TRPC5: variants seen among roughly 807,000 people sequenced by gnomAD.
TRPC5 encodes short transient receptor potential channel 5.
In TRPC5, 9 loss-of-function variants were observed where a neutral mutation model predicts 56.5. The ratio of observed to expected loss-of-function variants is 0.16; its 90% CI spans 0.10 to 0.28. The LOEUF (loss-of-function observed/expected upper bound fraction) is 0.28. Among genes scored for constraint, TRPC5 ranks in the 10% least tolerant of loss-of-function variants. The pLI is 1.00. For synonymous variants in TRPC5, 282 were observed against 278.5 expected, an observed-to-expected ratio of 1.01 and a Z score of -0.13; for missense variants, 469 against 748.9, an observed-to-expected ratio of 0.63 and a Z score of 4.36.
intron 2 of TRPC5, among the ~76,000 whole-genome samples, chrX:111,935,899 T>C (rs1348944517): frequency 8.9e-6 from 1 of 112,121 alleles, no homozygotes; most frequent in Non-Finnish European, 1.9e-5. Context: ...AGTCAGGTAA[T>C]GTGATTCCTC....
At chrX:112,036,624 T>C (rs1929748855) in intron 1 of TRPC5, among the ~76,000 whole-genome samples, 1 of 112,255 alleles carries the variant, frequency 8.9e-6, no homozygotes, top group African/African-American at 3.2e-5. Flanking sequence ...ACCTGGTTTC[T>C]GTACATCTTT....
chrX:111,908,562 T>C lies in TRPC5; in HGVS notation c.900+3729A>G, dbSNP rs146513678. Among the ~76,000 whole-genome samples, 877 of 111,292 alleles carry C rather than the reference T, an allele frequency of 7.9e-3. 9 individuals carry two copies. Among genetic ancestry groups the C allele is most frequent in the Non-Finnish European group, 0.014 (766 of 53,083 alleles). Reference sequence around the variant, plus strand: ...GACATTGAAGTTGACAGTCACTCACTATCCCGGCTGTATACCTGGAGCTAG... The same window carrying C: ...GACATTGAAGTTGACAGTCACTCACCATCCCGGCTGTATACCTGGAGCTAG... On this transcript the variant is annotated intron_variant, in intron 3 of 10. Transcript: ENST00000262839.
chrX:111,968,627 A>G (rs1446265651), intron 1 of TRPC5, among the ~76,000 whole-genome samples: 2 of 109,607 alleles, frequency 1.8e-5, no homozygotes, highest in African/African-American at 6.6e-5. Flanking sequence ...CATATACCCC[A>G]TGGAATACTA....
At chrX:111,946,909 T>G (rs573780662) in intron 2 of TRPC5, among the ~76,000 whole-genome samples, 2 of 112,351 alleles carry the variant, frequency 1.8e-5, no homozygotes, top group Admixed American at 9.4e-5. Flanking sequence ...TTCTCAGAGG[T>G]TGGCAAAGTC....
At chrX:112,043,805 T>C (rs952580855) in intron 1 of TRPC5, among the ~76,000 whole-genome samples, 2 of 111,138 alleles carry the variant, frequency 1.8e-5, no homozygotes, top group South Asian at 7.6e-4. Context: ...ATGGCTCTTT[T>C]GTCAGTAAGT....
At chrX:111,827,222 T>C (rs1179691926) in intron 7 of TRPC5, among the ~76,000 whole-genome samples, 1 of 111,787 alleles carries the variant, frequency 8.9e-6, no homozygotes, top group African/African-American at 3.3e-5. Context: ...TTCCAGCCTC[T>C]AAATATTGGA....
chrX:111,833,501 C>A (rs1922471521), intron 7 of TRPC5, among the ~76,000 whole-genome samples: 1 of 110,977 alleles, frequency 9.0e-6, no homozygotes, highest in Non-Finnish European at 1.9e-5. Context: ...TCCTAGCAGA[C>A]AATTTTATAT....
At chrX:111,897,482 AC>A (rs1363284151) in intron 3 of TRPC5, among the ~76,000 whole-genome samples, 3 of 111,199 alleles carry the variant, frequency 2.7e-5, no homozygotes, top group East Asian at 5.7e-4. Flanking sequence ...CCACAACCGT[AC>A]CTAAACATGA....
intron 3 of TRPC5, among the ~76,000 whole-genome samples, chrX:111,864,839 G>A (rs1457802695): frequency 9.0e-6 from 1 of 111,384 alleles, no homozygotes; most frequent in African/African-American, 3.3e-5. Flanking sequence ...TAGATTTTCA[G>A]AACTCTGCCA....
At chrX:112,023,097 G>A (rs1201716553) in intron 1 of TRPC5, among the ~76,000 whole-genome samples, 1 of 109,532 alleles carries the variant, frequency 9.1e-6, no homozygotes, top group Non-Finnish European at 1.9e-5. Context: ...ACCATGCCCG[G>A]CTAATTTTTT....
At chrX:112,078,447 G>T (rs1344891428) in intron 1 of TRPC5, among the ~76,000 whole-genome samples, 1 of 111,907 alleles carries the variant, frequency 8.9e-6, no homozygotes, top group Non-Finnish European at 1.9e-5. Context: ...TGCCACTGTT[G>T]TTAGCTAGTA....
chrX:112,048,317 C>T (rs2147731707), intron 1 of TRPC5, among the ~76,000 whole-genome samples: 1 of 102,203 alleles, frequency 9.8e-6, no homozygotes, highest in East Asian at 3.2e-4. Context: ...AGGAGAATCG[C>T]TTGAACCTGG....
chrX:111,950,000 T>C (rs755165056), intron 2 of TRPC5, among the ~76,000 whole-genome samples: 206 of 111,674 alleles, frequency 1.8e-3, no homozygotes, highest in African/African-American at 6.5e-3. Context: ...TATATATATA[T>C]TTATACAATG....
chrX:112,030,105 G>A (rs924770421), intron 1 of TRPC5, among the ~76,000 whole-genome samples: 2 of 112,465 alleles, frequency 1.8e-5, no homozygotes, highest in African/African-American at 6.4e-5. Flanking sequence ...GATTACAGGC[G>A]TGAGCCACCG....
chrX:111,917,972 A>G (rs767733417), intron 2 of TRPC5, among the ~76,000 whole-genome samples: 69 of 112,485 alleles, frequency 6.1e-4, no homozygotes, highest in African/African-American at 1.8e-3. Context: ...CTAATATCCC[A>G]AGCCTCTTTA....
intron 1 of TRPC5, among the ~76,000 whole-genome samples, chrX:112,023,135 C>T (rs1479720508): frequency 9.3e-6 from 1 of 107,717 alleles, no homozygotes; most frequent in Non-Finnish European, 1.9e-5. Context: ...GGGGTTTCAC[C>T]GTGTTAGCCA....
At chrX:111,942,477 T>C (rs1302725963) in intron 2 of TRPC5, among the ~76,000 whole-genome samples, 1 of 111,569 alleles carries the variant, frequency 9.0e-6, no homozygotes, top group Non-Finnish European at 1.9e-5. Flanking sequence ...AGTGGGGTGG[T>C]AGAAAGAGTA....
At chrX:112,072,962 C>T (rs1224941824) in intron 1 of TRPC5, among the ~76,000 whole-genome samples, 2 of 111,903 alleles carry the variant, frequency 1.8e-5, no homozygotes, top group Non-Finnish European at 3.8e-5. Flanking sequence ...CTTTTCTAGT[C>T]AACAAAATAA....
chrX:111,851,785 T>C (rs1458161623), intron 5 of TRPC5, among the ~76,000 whole-genome samples: 1 of 111,668 alleles, frequency 9.0e-6, no homozygotes, highest in Admixed American at 9.6e-5. Context: ...TAGGGAGAGA[T>C]GGCATCATAT....
Sources: allele counts gnomAD v4.1 joint callset (sites outside exome capture counted in the v4.1 genomes callset), GRCh38; gene constraint gnomAD v4.1.1; transcripts MANE v1.5; gene names NCBI Gene and HGNC (gene_info 2026-07-23, HGNC 2026-07-21).